Variants in TRPC5 observed in about 807,000 individuals in gnomAD.
The protein encoded by TRPC5 is transient receptor potential cation channel subfamily C member 5.
In TRPC5, 9 loss-of-function variants were observed where a neutral mutation model predicts 56.5. That is an observed-to-expected ratio of 0.16 (90% CI 0.10 to 0.28). TRPC5 has a LOEUF of 0.28. Ranked by LOEUF, TRPC5 falls within the 10% of genes least tolerant of loss-of-function variation. The pLI is 1.00. For missense variants in TRPC5, 469 were observed against 748.9 expected (o/e 0.63, Z 4.36); for synonymous variants, 282 against 278.5 (o/e 1.01, Z -0.13).
chrX:111,963,111 G>A (rs1020887500), intron 1 of TRPC5, among the ~76,000 whole-genome samples: 3 of 112,114 alleles, frequency 2.7e-5, no homozygotes, highest in African/African-American at 3.2e-5. Flanking sequence ...CTGGAAAATC[G>A]GGTCACTCCC....
At chrX:111,798,008 C>T (rs1344599558) in intron 7 of TRPC5, among the ~76,000 whole-genome samples, 1 of 110,739 alleles carries the variant, frequency 9.0e-6, no homozygotes, top group Non-Finnish European at 1.9e-5. Context: ...TGAAATAACT[C>T]ATAGATGAAC....
rs750513480 is a variant in TRPC5 at position 111,841,977 on chromosome X, T to C, written c.1700+5137A>G. 2.1e-3 allele frequency among the ~76,000 whole-genome samples: 221 copies of C among 106,437 alleles called. 1 individual carries two copies. Among genetic ancestry groups the C allele is most frequent in the Non-Finnish European group, 3.4e-3 (179 of 52,118 alleles). 92.4% of individuals were successfully genotyped at this position (106,437 alleles called of 115,157 possible). On this transcript the variant is annotated intron_variant, in intron 6 of 10. Transcript: ENST00000262839. ...CCACCTGCCTCGGCCTCCCAAGGTG[T>C]TGAGATTACAGGCATGAGACACCAC...
chrX:111,920,073 G>A (rs1359749768), intron 2 of TRPC5, among the ~76,000 whole-genome samples: 4 of 111,388 alleles, frequency 3.6e-5, no homozygotes, highest in Non-Finnish European at 7.5e-5. Context: ...TCAGGAGTTC[G>A]AGACCAGCCT....
chrX:111,852,560 A>C, intron 4 of TRPC5, 123 bp from the exon 5 acceptor site: 1 of 768,793 alleles, frequency 1.3e-6, no homozygotes, highest in Non-Finnish European at 1.8e-6. Flanking sequence ...CAGTGGAGTG[A>C]AGCCTTGAGA....
chrX:111,843,888 G>GTA (rs1216665045), intron 6 of TRPC5, among the ~76,000 whole-genome samples: 3 of 102,368 alleles, frequency 2.9e-5, no homozygotes, highest in African/African-American at 1.2e-4. Flanking sequence ...GTGTGTGTGT[G>GTA]TGTGTGTGTG....
Position 112,000,575 on chromosome X carries a change from C to T in TRPC5, c.-21-48134G>A, listed in dbSNP as rs182885830. On this transcript the variant is annotated intron_variant, in intron 1 of 10. Coordinates refer to ENST00000262839, the MANE Select transcript of TRPC5 (RefSeq NM_012471.3). ...AGGAGAGCCTGGGCATGTCACCAAA[C>T]CTTTCAGACCCCCAGTTTTATACAT... Among the ~76,000 whole-genome samples the T allele has an allele frequency of 7.3e-3, 815 of 111,231 alleles. 6 individuals carry two copies. The highest frequency in any genetic ancestry group is 0.025 in the African/African-American group (764 of 30,529).
chrX:112,037,955 G>A (rs1022548913), intron 1 of TRPC5, among the ~76,000 whole-genome samples: 2 of 111,536 alleles, frequency 1.8e-5, no homozygotes, highest in Non-Finnish European at 3.8e-5. Flanking sequence ...ATATAAGAAT[G>A]GGGACAGTTT....
At chrX:111,964,538 T>G (rs1927499200) in intron 1 of TRPC5, among the ~76,000 whole-genome samples, 1 of 111,548 alleles carries the variant, frequency 9.0e-6, no homozygotes, top group Non-Finnish European at 1.9e-5. Flanking sequence ...TCACCAAAGT[T>G]GAAATGAAGG....
intron 7 of TRPC5, among the ~76,000 whole-genome samples, chrX:111,807,956 CTG>C (rs60688414): frequency 0.029 from 2,616 of 91,408 alleles, 33 homozygotes; most frequent in Middle Eastern, 0.048. Flanking sequence ...CTCTCTCTCT[CTG>C]TGTGTGTGTG....
At chrX:112,053,542 G>A (rs1930268761) in intron 1 of TRPC5, among the ~76,000 whole-genome samples, 1 of 111,436 alleles carries the variant, frequency 9.0e-6, no homozygotes, top group Admixed American at 9.5e-5. Context: ...TGTCTCAAAA[G>A]CACATTTTTT....
intron 1 of TRPC5, among the ~76,000 whole-genome samples, chrX:112,026,237 G>C (rs898959751): frequency 3.6e-5 from 4 of 112,059 alleles, no homozygotes; most frequent in African/African-American, 1.3e-4. Context: ...CCACCTACAT[G>C]ATTTGTCTCC....
At chrX:111,898,225 T>C (rs1038212658) in intron 3 of TRPC5, among the ~76,000 whole-genome samples, 19 of 103,852 alleles carry the variant, frequency 1.8e-4, no homozygotes, top group African/African-American at 5.6e-4. Context: ...GTTGTTTGTC[T>C]TTTTATTATT....
intron 1 of TRPC5, among the ~76,000 whole-genome samples, chrX:112,067,572 C>T (rs184191445): frequency 9.0e-6 from 1 of 111,454 alleles, no homozygotes; most frequent in East Asian, 2.8e-4. Flanking sequence ...GCAGGACTTC[C>T]GTATCTGTCT....
chrX:112,017,510 G>C (rs1006806075), intron 1 of TRPC5, among the ~76,000 whole-genome samples: 1 of 109,972 alleles, frequency 9.1e-6, no homozygotes, highest in Non-Finnish European at 1.9e-5. Flanking sequence ...TGAGAGGTTA[G>C]ATATTCTTGG....
At chrX:111,825,106 CTCTT>C (rs1312950206) in intron 7 of TRPC5, among the ~76,000 whole-genome samples, 2 of 109,907 alleles carry the variant, frequency 1.8e-5, no homozygotes, top group South Asian at 3.9e-4. Flanking sequence ...CTTTCATTTT[CTCTT>C]TCTTTCTTTT....
At chrX:111,814,655 G>T (rs759556886) in intron 7 of TRPC5, among the ~76,000 whole-genome samples, 1 of 109,831 alleles carries the variant, frequency 9.1e-6, no homozygotes, top group East Asian at 2.9e-4. Context: ...TTTCCCTACT[G>T]AGCATGTGCA....
chrX:112,035,446 T>G (rs1211452832), intron 1 of TRPC5, among the ~76,000 whole-genome samples: 1 of 100,205 alleles, frequency 1.0e-5, no homozygotes. Flanking sequence ...GACAGAGATG[T>G]CCTTGAACTC....
chrX:111,983,589 A>G (rs1928136523), intron 1 of TRPC5, among the ~76,000 whole-genome samples: 1 of 111,526 alleles, frequency 9.0e-6, no homozygotes, highest in Non-Finnish European at 1.9e-5. Context: ...CATCCAGCCA[A>G]ACCATTGGCT....
At chrX:111,963,397 G>A (rs1927452298) in intron 1 of TRPC5, among the ~76,000 whole-genome samples, 1 of 112,321 alleles carries the variant, frequency 8.9e-6, no homozygotes, top group Non-Finnish European at 1.9e-5. Flanking sequence ...ACCTCTGGGG[G>A]CAGGGCACAG....
Sources: allele counts gnomAD v4.1 joint callset (sites outside exome capture counted in the v4.1 genomes callset), GRCh38; gene constraint gnomAD v4.1.1; transcripts MANE v1.5; gene names NCBI Gene and HGNC (gene_info 2026-07-23, HGNC 2026-07-21).